TLN2: variants seen among roughly 807,000 people sequenced by gnomAD.
TLN2 encodes talin-2.
In TLN2, 118 loss-of-function variants were observed where a neutral mutation model predicts 294.7. The observed-to-expected ratio is 0.40, with a 90% CI of 0.34 to 0.47. The LOEUF (loss-of-function observed/expected upper bound fraction) is 0.47, where lower values mean the gene tolerates loss of function less well. Ranked by LOEUF, TLN2 falls within the 20% of genes least tolerant of loss-of-function variation. TLN2 has a pLI of 0.84. For synonymous variants in TLN2, 1,431 were observed against 1,304.5 expected, an observed-to-expected ratio of 1.10 and a Z score of -2.09; for missense variants, 3,083 against 3,282.2, an observed-to-expected ratio of 0.94 and a Z score of 1.48.
At chr15:62,714,188 CGT>C (rs1491302018) in intron 22 of TLN2, among the ~76,000 whole-genome samples, 3 of 106,308 alleles carry the variant, frequency 2.8e-5, no homozygotes, top group Non-Finnish European at 3.6e-5. Flanking sequence ...CCAATGTGCA[CGT>C]TTTTTTTTTT....
intron 1 of TLN2, among the ~76,000 whole-genome samples, chr15:62,505,679 C>G (rs2039578052): frequency 6.6e-6 from 1 of 152,190 alleles, no homozygotes; most frequent in African/African-American, 2.4e-5. Flanking sequence ...AAGTCAATCT[C>G]CCTCTTCCCT....
Position 62,430,837 on chromosome 15 carries a change from T to C in TLN2, c.-238+40152T>C, listed in dbSNP as rs76289893. Reference sequence around the variant, plus strand: ...AGGATAAATTGTTTGGGACAGTTACTGAGTGATACTCACTTTAGCCATTGG... The same window carrying C: ...AGGATAAATTGTTTGGGACAGTTACCGAGTGATACTCACTTTAGCCATTGG... On this transcript the variant is annotated intron_variant, in intron 1 of 58. Transcript: ENST00000636159. Among the ~76,000 whole-genome samples the C allele has an allele frequency of 5.9e-3, 903 of 151,942 alleles. 9 individuals carry two copies. Among genetic ancestry groups the C allele is most frequent in the African/African-American group, 0.021 (866 of 41,446 alleles).
intron 2 of TLN2, among the ~76,000 whole-genome samples, chr15:62,607,207 A>G (rs1011915195): frequency 2.0e-4 from 30 of 152,112 alleles, no homozygotes; most frequent in Non-Finnish European, 2.9e-4. Flanking sequence ...TCCTCTGGGG[A>G]AAAGATCTCT....
chr15:62,772,518 C>T (rs563857583), intron 42 of TLN2, among the ~76,000 whole-genome samples: 1 of 152,148 alleles, frequency 6.6e-6, no homozygotes, highest in Admixed American at 6.5e-5. Flanking sequence ...GTGCCTCCCC[C>T]AAACTGGAGG....
At chr15:62,727,340 C>T (rs564454939) in intron 28 of TLN2, 151 bp downstream of exon 28, 172 of 672,332 alleles carry the variant, frequency 2.6e-4, no homozygotes, top group Admixed American at 5.2e-4. Context: ...TGCTTGTTAC[C>T]GGGCTTGATA....
At chr15:62,594,585 T>G (rs181983883) in intron 2 of TLN2, among the ~76,000 whole-genome samples, 6 of 152,304 alleles carry the variant, frequency 3.9e-5, no homozygotes, top group Non-Finnish European at 7.3e-5. Flanking sequence ...TAAATAGTGT[T>G]GGGACAACTG....
chr15:62,613,752 G>C (rs1011147946), intron 2 of TLN2, among the ~76,000 whole-genome samples: 1 of 151,014 alleles, frequency 6.6e-6, no homozygotes, highest in Non-Finnish European at 1.5e-5. Context: ...CCATTCAGGG[G>C]ACTAAGACTA....
intron 17 of TLN2, 87 bp downstream of exon 17, chr15:62,701,301 T>C: frequency 9.0e-7 from 1 of 1,106,832 alleles, no homozygotes; most frequent in Non-Finnish European, 1.3e-6. Context: ...AGTTATCTGT[T>C]GATTGAAACA....
At chr15:62,760,854 G>A (rs941180046) in intron 37 of TLN2, among the ~76,000 whole-genome samples, 6 of 152,060 alleles carry the variant, frequency 3.9e-5, no homozygotes, top group African/African-American at 1.4e-4. Flanking sequence ...AACACGTTAT[G>A]TTTAGAGTTC....
chr15:62,775,561 T>C (rs2063661679), intron 42 of TLN2, among the ~76,000 whole-genome samples: 1 of 152,212 alleles, frequency 6.6e-6, no homozygotes, highest in Non-Finnish European at 1.5e-5. Context: ...TTGAATAACT[T>C]TTCTTGCTTC....
chr15:62,557,412 A>T (rs2042667694), intron 1 of TLN2, among the ~76,000 whole-genome samples: 1 of 152,238 alleles, frequency 6.6e-6, no homozygotes, highest in South Asian at 2.1e-4. Flanking sequence ...AATGACACAC[A>T]AGATGTGTGA....
chr15:62,602,845 G>T (rs1003432199), intron 2 of TLN2, among the ~76,000 whole-genome samples: 10 of 149,400 alleles, frequency 6.7e-5, no homozygotes, highest in Non-Finnish European at 1.3e-4. Flanking sequence ...GAAACATTCA[G>T]TCTATAGCTA....
chr15:62,711,649 C>G (rs1442478929), intron 21 of TLN2, among the ~76,000 whole-genome samples: 1 of 152,236 alleles, frequency 6.6e-6, no homozygotes, highest in Non-Finnish European at 1.5e-5. Context: ...TAGTGTTCCT[C>G]TTTGGCTGCT....
intron 1 of TLN2, among the ~76,000 whole-genome samples, chr15:62,508,107 A>G (rs1212485942): frequency 6.6e-6 from 1 of 152,182 alleles, no homozygotes; most frequent in Non-Finnish European, 1.5e-5. Context: ...TATATTTGGT[A>G]GAGATGAATG....
chr15:62,837,849 G>T (rs2069937527), intron 57 of TLN2, among the ~76,000 whole-genome samples: 1 of 152,222 alleles, frequency 6.6e-6, no homozygotes, highest in African/African-American at 2.4e-5. Flanking sequence ...TTAGTTCACA[G>T]ACCAGATGGG....
chr15:62,642,356 G>T (rs2051217989), intron 3 of TLN2, among the ~76,000 whole-genome samples: 1 of 152,214 alleles, frequency 6.6e-6, no homozygotes, highest in South Asian at 2.1e-4. Context: ...CACAGATTTG[G>T]CTCTGAAGTT....
intron 45 of TLN2, among the ~76,000 whole-genome samples, chr15:62,789,726 G>A (rs2064944242): frequency 6.6e-6 from 1 of 152,198 alleles, no homozygotes; most frequent in Non-Finnish European, 1.5e-5. Context: ...CTCTGCACGG[G>A]AGCAGGAGGA....
At chr15:62,727,274 C>T (rs1416696522) in intron 28 of TLN2, 85 bp downstream of exon 28, 3 of 1,223,430 alleles carry the variant, frequency 2.5e-6, no homozygotes, top group African/African-American at 1.5e-5. Flanking sequence ...ATTCCTTTGA[C>T]AATACACGTG....
chr15:62,461,454 C>G (rs184537165), intron 1 of TLN2, among the ~76,000 whole-genome samples: 2 of 152,332 alleles, frequency 1.3e-5, no homozygotes, highest in East Asian at 3.9e-4. Flanking sequence ...TTTCCAGACT[C>G]TGGCTGTGAT....
Sources: gnomAD v4.1 joint callset for allele counts (sites outside exome capture counted in the v4.1 genomes callset) on GRCh38, gnomAD v4.1.1 for gene constraint, MANE v1.5 for transcripts, NCBI Gene and HGNC (gene_info 2026-07-23, HGNC 2026-07-21) for gene names.